CTNND2: variants seen among roughly 807,000 people sequenced by gnomAD.
The protein encoded by CTNND2 is catenin delta 2.
Under a neutral mutation model 144.4 loss-of-function variants are expected in CTNND2, and 22 were observed. The observed-to-expected ratio is 0.15, with a 90% CI of 0.11 to 0.22. The LOEUF (loss-of-function observed/expected upper bound fraction) is 0.22, where lower values mean the gene tolerates loss of function less well. Among genes scored for constraint, CTNND2 ranks in the 10% least tolerant of loss-of-function variants. The probability of loss-of-function intolerance (pLI) is 1.00; values close to 1 mark genes in which losing one functional copy is unlikely to be tolerated. For missense variants in CTNND2, 1,353 were observed against 1,618.8 expected (o/e 0.84, Z 2.82); for synonymous variants, 751 against 695.6 (o/e 1.08, Z -1.25).
At chr5:11,425,512 T>C (rs1312535941) in intron 3 of CTNND2, among the ~76,000 whole-genome samples, 1 of 152,220 alleles carries the variant, frequency 6.6e-6, no homozygotes, top group Non-Finnish European at 1.5e-5. Context: ...GTCCTGAAGT[T>C]ATCCTTTCAA....
intron 5 of CTNND2, among the ~76,000 whole-genome samples, chr5:11,405,213 C>T (rs989337935): frequency 2.0e-5 from 3 of 152,162 alleles, no homozygotes; most frequent in African/African-American, 7.2e-5. Flanking sequence ...CCCAGAAGAT[C>T]CTGATAACTC....
intron 3 of CTNND2, among the ~76,000 whole-genome samples, chr5:11,453,787 T>G (rs61760262): frequency 0.018 from 2,683 of 152,292 alleles, 89 homozygotes; most frequent in African/African-American, 0.061. Context: ...TCTTTTTTTT[T>G]TGTGCATGTA....
At chr5:11,221,313 G>T (rs1739769032) in intron 10 of CTNND2, among the ~76,000 whole-genome samples, 1 of 152,166 alleles carries the variant, frequency 6.6e-6, no homozygotes, top group Non-Finnish European at 1.5e-5. Context: ...AGTCAGGGAG[G>T]CTCTTCCCCT....
intron 3 of CTNND2, among the ~76,000 whole-genome samples, chr5:11,446,507 G>A (rs1234178876): frequency 1.3e-5 from 2 of 152,140 alleles, no homozygotes; most frequent in Non-Finnish European, 2.9e-5. Context: ...AATTCCTCTG[G>A]GAGATGCCTT....
In CTNND2 at chr5:11,503,135, CT is replaced by C. The variant is rs552360654; in HGVS notation, c.287+61808del. Among the ~76,000 whole-genome samples, 14 of 152,282 alleles carry C rather than the reference CT, an allele frequency of 9.2e-5. No individual in the cohort carries two copies. The South Asian group carries it at 2.7e-3, about 29-fold the overall frequency. On this transcript the variant is annotated intron_variant, in intron 3 of 21. Transcript: ENST00000304623. ...TCATAGGGGTCAGCTCGCATCTGCC[CT>C]TTCCACATCTTCAGATTGCATCTAT...
At chr5:11,700,021 G>A (rs1252787085) in intron 2 of CTNND2, among the ~76,000 whole-genome samples, 1 of 152,204 alleles carries the variant, frequency 6.6e-6, no homozygotes, top group East Asian at 1.9e-4. Flanking sequence ...AAATATGTGT[G>A]TGGGGGGCAC....
intron 3 of CTNND2, among the ~76,000 whole-genome samples, chr5:11,431,316 T>C (rs1423861002): frequency 6.6e-6 from 1 of 152,190 alleles, no homozygotes; most frequent in African/African-American, 2.4e-5. Flanking sequence ...GTCTAGTTAG[T>C]TAACCTAGAC....
chr5:11,723,881 C>T (rs1198467468), intron 2 of CTNND2, among the ~76,000 whole-genome samples: 4 of 151,782 alleles, frequency 2.6e-5, no homozygotes, highest in East Asian at 3.9e-4. Flanking sequence ...ACAGTGAAAC[C>T]CTGTCTCTAC....
chr5:11,747,863 C>T (rs533055338), intron 1 of CTNND2, among the ~76,000 whole-genome samples: 1 of 152,226 alleles, frequency 6.6e-6, no homozygotes, highest in South Asian at 2.1e-4. Flanking sequence ...CTTCACAGTA[C>T]TTGAAAGTGT....
intron 3 of CTNND2, among the ~76,000 whole-genome samples, chr5:11,564,576 C>G (rs1776927238): frequency 6.6e-6 from 1 of 151,832 alleles, no homozygotes; most frequent in Admixed American, 6.6e-5. Flanking sequence ...CCAGAATGTT[C>G]TCACTTTTAT....
chr5:11,601,024 G>C (rs1357100567), intron 2 of CTNND2, among the ~76,000 whole-genome samples: 2 of 148,674 alleles, frequency 1.3e-5, no homozygotes, highest in African/African-American at 4.9e-5. Flanking sequence ...AAACAGCAAG[G>C]TTTTTTTTTT....
chr5:11,225,254 T>C (rs945090193), intron 10 of CTNND2, among the ~76,000 whole-genome samples: 2 of 152,226 alleles, frequency 1.3e-5, no homozygotes, highest in Non-Finnish European at 2.9e-5. Flanking sequence ...CCTCTACCAA[T>C]GATAATTCTC....
rs974260134 is a variant in CTNND2 at position 11,385,186 on chromosome 5, G to A, written c.656C>T (p.Ala219Val). 4.0e-5 allele frequency: 42 copies of A among 1,049,322 alleles called. No homozygotes were observed. The highest frequency in any genetic ancestry group is 4.5e-5 in the Non-Finnish European group (39 of 873,448). 65.0% of individuals were successfully genotyped at this position (1,049,322 alleles called of 1,614,324 possible). The change falls in exon 7 of 22, where the codon GCG (alanine) becomes GTG (valine). Residue 219 changes from alanine to valine, a missense_variant. Ala to Val is a moderately conservative substitution (Grantham distance 64). Coordinates refer to ENST00000304623, the MANE Select transcript of CTNND2 (RefSeq NM_001332.4). ...RAGHLAGPEP[A>V]PPPPPPPREP... ...CCGCGGCGGCGGCGGCGGCGGCGGC[G>A]CGGGCTCGGGCCCCGCCAGGTGGCC...
intron 9 of CTNND2, among the ~76,000 whole-genome samples, chr5:11,293,202 T>C (rs1166299924): frequency 6.6e-6 from 1 of 152,170 alleles, no homozygotes; most frequent in African/African-American, 2.4e-5. Context: ...ACATCTGTGA[T>C]TAGAAAGCCC....
chr5:11,034,245 T>G (rs1476519235), intron 16 of CTNND2, among the ~76,000 whole-genome samples: 1 of 152,226 alleles, frequency 6.6e-6, no homozygotes, highest in Non-Finnish European at 1.5e-5. Flanking sequence ...AATACGAATT[T>G]TTAAGATTTC....
At chr5:11,361,996 G>A (rs972157358) in intron 8 of CTNND2, among the ~76,000 whole-genome samples, 14 of 152,100 alleles carry the variant, frequency 9.2e-5, no homozygotes, top group South Asian at 2.1e-4. Flanking sequence ...CCAGTTGCTC[G>A]GGTGCCCTCA....
chr5:11,765,914 T>C (rs1207217287), intron 1 of CTNND2, among the ~76,000 whole-genome samples: 1 of 152,248 alleles, frequency 6.6e-6, no homozygotes, highest in Non-Finnish European at 1.5e-5. Context: ...TTATACACTG[T>C]GGATTCTGTA....
chr5:11,694,175 C>A (rs1177238054), intron 2 of CTNND2, among the ~76,000 whole-genome samples: 9 of 152,084 alleles, frequency 5.9e-5, no homozygotes, highest in Non-Finnish European at 1.2e-4. Flanking sequence ...GTGGCTCATG[C>A]CTGTAATCCC....
intron 3 of CTNND2, among the ~76,000 whole-genome samples, chr5:11,454,600 C>CTTTTT (rs574100913): frequency 1.4e-5 from 2 of 145,190 alleles, no homozygotes. Context: ...GTTTTTTTTC[C>CTTTTT]TTTTTTTTTT....
Sources: gnomAD v4.1 joint callset for allele counts (sites outside exome capture counted in the v4.1 genomes callset) on GRCh38, gnomAD v4.1.1 for gene constraint, MANE v1.5 for transcripts, NCBI Gene and HGNC (gene_info 2026-07-23, HGNC 2026-07-21) for gene names.